Variants in HHIP observed in about 807,000 individuals in gnomAD.
HHIP encodes hedgehog interacting protein, also known as hedgehog-interacting protein.
In HHIP, 12 loss-of-function variants were observed where a neutral mutation model predicts 74.0. The observed-to-expected ratio is 0.16, with a 90% confidence interval of 0.10 to 0.26. The LOEUF (loss-of-function observed/expected upper bound fraction) is 0.26. Ranked by LOEUF, HHIP falls within the 10% of genes least tolerant of loss-of-function variation. HHIP has a pLI of 1.00. For synonymous variants in HHIP, 309 were observed against 311.6 expected (o/e 0.99, Z 0.09); for missense variants, 788 against 845.0 (o/e 0.93, Z 0.84).
chr4:144,661,475 A>T (rs1195650237), intron 4 of HHIP: 1 of 152,132 alleles, frequency 6.6e-6, no homozygotes, highest in Non-Finnish European at 1.5e-5. Flanking sequence ...AATTCCTTTG[A>T]TGTTTTAGCG....
chr4:144,724,079 A>G (rs1290731932), intron 11 of HHIP, among the ~76,000 whole-genome samples: 3 of 152,224 alleles, frequency 2.0e-5, no homozygotes. Flanking sequence ...TTTGGGCAAC[A>G]TCAAAGTTGA....
At position 144,742,269 on chromosome 4, in the gene HHIP, T is replaced by A. The variant is rs988503791; in HGVS notation, c.*4312T>A. On this transcript the variant is annotated 3_prime_UTR_variant, in exon 13 of 13. Coordinates refer to ENST00000296575, the MANE Select transcript of HHIP (RefSeq NM_022475.3). Reference sequence around the variant, plus strand: ...AAAAATAGCCTCTCTTGATTCCACATTTTCTCAAATTCTATATAACAAATA... The same window carrying A: ...AAAAATAGCCTCTCTTGATTCCACAATTTCTCAAATTCTATATAACAAATA... 1 of 152,136 alleles carries A rather than the reference T, an allele frequency of 6.6e-6. No homozygotes were observed. The highest frequency in any genetic ancestry group is 2.4e-5 in the African/African-American group (1 of 41,430). The allele number at this position is 152,136 out of a possible 1,614,324, so 9.4% of individuals were successfully genotyped here. A position where few individuals can be genotyped will look rare whatever the true frequency, so the allele number is the denominator to read the frequency against.
intron 2 of HHIP, among the ~76,000 whole-genome samples, chr4:144,653,971 G>A (rs774013696): frequency 2.0e-4 from 30 of 152,156 alleles, no homozygotes; most frequent in Admixed American, 7.9e-4. Flanking sequence ...AATAGGTCAC[G>A]GTTGCCTAGA....
intron 4 of HHIP, among the ~76,000 whole-genome samples, chr4:144,701,009 T>C (rs1214471047): frequency 1.3e-5 from 2 of 152,086 alleles, no homozygotes; most frequent in African/African-American, 4.8e-5. Flanking sequence ...GTCCTCTTTT[T>C]CCTCTTTTTC....
intron 4 of HHIP, among the ~76,000 whole-genome samples, chr4:144,694,569 C>A (rs1162438644): frequency 6.6e-6 from 1 of 151,698 alleles, no homozygotes; most frequent in Non-Finnish European, 1.5e-5. Context: ...ATCGTAAAAA[C>A]CAAACTTCAT....
At chr4:144,664,181 T>A (rs1256968252) in intron 4 of HHIP, among the ~76,000 whole-genome samples, 1 of 152,180 alleles carries the variant, frequency 6.6e-6, no homozygotes, top group Non-Finnish European at 1.5e-5. Flanking sequence ...TTTCAAAAGA[T>A]GCTTTTAGAA....
intron 6 of HHIP, 105 bp downstream of exon 6, chr4:144,707,365 C>T: frequency 1.1e-6 from 1 of 918,564 alleles, no homozygotes; most frequent in South Asian, 1.7e-5. Flanking sequence ...GAATGGTCAC[C>T]TTGGTTAAAT....
At chr4:144,734,617 TAA>T (rs35694650) in intron 11 of HHIP, 122 bp from the exon 12 acceptor site, 791 of 568,168 alleles carry the variant, frequency 1.4e-3, no homozygotes, top group South Asian at 3.4e-3. Flanking sequence ...CTGAGTCACT[TAA>T]AAAAAAAAAA....
At chr4:144,651,088 A>G (rs1312314671) in intron 1 of HHIP, 1 of 152,148 alleles carries the variant, frequency 6.6e-6, no homozygotes, top group African/African-American at 2.4e-5. Context: ...ACACAGTTGA[A>G]CACTATTAAT....
chr4:144,647,261 T>C, intron 1 of HHIP: 1 of 305,270 alleles, frequency 3.3e-6, no homozygotes, highest in Non-Finnish European at 6.0e-6. Context: ...ATGAACAGTG[T>C]GTTTTGGATC....
At chr4:144,675,482 T>C (rs1022564223) in intron 4 of HHIP, among the ~76,000 whole-genome samples, 64 of 152,168 alleles carry the variant, frequency 4.2e-4, no homozygotes, top group African/African-American at 1.4e-3. Flanking sequence ...CTTATTTGGC[T>C]ATATTAAACT....
At chr4:144,696,097 T>C (rs1172820820) in intron 4 of HHIP, among the ~76,000 whole-genome samples, 4 of 151,966 alleles carry the variant, frequency 2.6e-5, no homozygotes, top group Non-Finnish European at 5.9e-5. Context: ...CTGTGCACTA[T>C]AATAGTTATA....
intron 4 of HHIP, among the ~76,000 whole-genome samples, chr4:144,705,259 G>T (rs1730101717): frequency 6.6e-6 from 1 of 152,148 alleles, no homozygotes; most frequent in Non-Finnish European, 1.5e-5. Context: ...TGTAAAATAA[G>T]AACTACAAAC....
At chr4:144,674,902 C>G (rs997565074) in intron 4 of HHIP, among the ~76,000 whole-genome samples, 2 of 152,154 alleles carry the variant, frequency 1.3e-5, no homozygotes, top group Admixed American at 6.5e-5. Flanking sequence ...CTGCTAGAAA[C>G]TTGGTAGGGA....
intron 10 of HHIP, among the ~76,000 whole-genome samples, chr4:144,717,618 G>A (rs1334880552): frequency 6.6e-6 from 1 of 152,122 alleles, no homozygotes; most frequent in African/African-American, 2.4e-5. Flanking sequence ...TATGGAAGTA[G>A]TGGTGATAAA....
chr4:144,676,224 T>TC (rs761683914), intron 4 of HHIP, among the ~76,000 whole-genome samples: 61 of 152,092 alleles, frequency 4.0e-4, no homozygotes, highest in Admixed American at 8.5e-4. Flanking sequence ...TGTCCCCTTT[T>TC]CCCCCACTCT....
chr4:144,654,431 T>C (rs1364571227), intron 2 of HHIP, among the ~76,000 whole-genome samples: 1 of 152,126 alleles, frequency 6.6e-6, no homozygotes, highest in Non-Finnish European at 1.5e-5. Flanking sequence ...ACTCTAGAAG[T>C]GGACAGAGCA....
At chr4:144,691,587 C>T (rs1404981262) in intron 4 of HHIP, among the ~76,000 whole-genome samples, 1 of 152,048 alleles carries the variant, frequency 6.6e-6, no homozygotes, top group Non-Finnish European at 1.5e-5. Context: ...TTAATAATCA[C>T]ATATAGTACA....
chr4:144,729,207 T>C (rs949874986), intron 11 of HHIP, among the ~76,000 whole-genome samples: 2 of 152,202 alleles, frequency 1.3e-5, no homozygotes, highest in Admixed American at 6.5e-5. Flanking sequence ...AATTTTTCAC[T>C]TCCTTACCCT....
Sources: gnomAD v4.1 joint callset for allele counts (sites outside exome capture counted in the v4.1 genomes callset) on GRCh38, gnomAD v4.1.1 for gene constraint, MANE v1.5 for transcripts, NCBI Gene and HGNC (gene_info 2026-07-23, HGNC 2026-07-21) for gene names.